The following ECI1 variants were observed in gnomAD, a reference collection of about 807,000 sequenced individuals.
The protein encoded by ECI1 is enoyl-CoA delta isomerase 1, mitochondrial.
A neutral mutation model predicts 34.2 loss-of-function variants in ECI1; 34 were observed. That is an observed-to-expected ratio of 1.00 (90% CI 0.76 to 1.33). The LOEUF (loss-of-function observed/expected upper bound fraction) is 1.33. Ranked by LOEUF, ECI1 falls within the 40% of genes most tolerant of loss-of-function variation. The pLI is 0.00. For missense variants in ECI1, 456 were observed against 422.2 expected, an observed-to-expected ratio of 1.08 and a Z score of -0.70; for synonymous variants, 211 against 193.0, an observed-to-expected ratio of 1.09 and a Z score of -0.77.
intron 3 of ECI1, among the ~76,000 whole-genome samples, chr16:2,245,280 G>A (rs962811134): frequency 1.3e-5 from 2 of 152,250 alleles, no homozygotes; most frequent in African/African-American, 4.8e-5. Context: ...AAGGCTGTGG[G>A]TGAACTTGTT....
chr16:2,243,793 G>C (rs377476625), intron 4 of ECI1, among the ~76,000 whole-genome samples: 1 of 152,216 alleles, frequency 6.6e-6, no homozygotes, highest in African/African-American at 2.4e-5. Flanking sequence ...AGTCATAACT[G>C]TCATGCCCCA....
chr16:2,246,741 C>T lies in ECI1; in HGVS notation c.294+118G>A, dbSNP rs565352095. 4.4e-5 allele frequency: 67 copies of T among 1,517,070 alleles called. No individual in the cohort carries two copies. The Admixed American group carries it at 9.1e-4, about 21-fold the overall frequency. 94.0% of individuals were successfully genotyped at this position (1,517,070 alleles called of 1,614,324 possible). A position where few individuals can be genotyped will look rare whatever the true frequency, so the allele number is the denominator to read the frequency against. Reference sequence around the variant, plus strand: ...GAGTCCAGGGTGGTGGGGCTGCCGGCTGGCCTGTGCCACACGTTGGCAGGC... The same window carrying T: ...GAGTCCAGGGTGGTGGGGCTGCCGGTTGGCCTGTGCCACACGTTGGCAGGC... On this transcript the variant is annotated intron_variant, in intron 3 of 6. Coordinates refer to ENST00000301729, the MANE Select transcript of ECI1 (RefSeq NM_001919.4).
intron 4 of ECI1, 147 bp downstream of exon 4, chr16:2,244,259 C>T (rs1289786623): frequency 2.6e-5 from 25 of 974,066 alleles, no homozygotes; most frequent in Middle Eastern, 2.9e-4. Flanking sequence ...CCGTGGTCTG[C>T]GATGGCGCTC....
rs199692587 is a variant in ECI1 at position 2,240,079 on chromosome 16, C to T, written c.809G>A (p.Arg270His). The change falls in exon 7 of 7, where the codon CGC (arginine) becomes CAC (histidine). Residue 270 changes from arginine to histidine, a missense_variant. Transcript: ENST00000301729. ...GACGAAGTTCTGCACGTCCGCATCG[C>T]GCTGCGTGACCAGGCGGCTGGCCGT... ...KATASRLVTQ[R>H]DADVQNFVSF... 221 of 1,613,998 alleles carry T rather than the reference C, an allele frequency of 1.4e-4. No individual in the cohort carries two copies. Among genetic ancestry groups the T allele is most frequent in the Admixed American group, 4.5e-4 (27 of 60,018 alleles).
chr16:2,242,818 T>A, intron 6 of ECI1: 1 of 594,732 alleles, frequency 1.7e-6, no homozygotes, highest in Non-Finnish European at 3.0e-6. Flanking sequence ...GGAAGTGCAG[T>A]CCTGCCCACA....
At chr16:2,243,471 T>A (rs777094460) in intron 4 of ECI1, 32 bp from the exon 5 acceptor site, 1 of 1,607,350 alleles carries the variant, frequency 6.2e-7, no homozygotes, top group South Asian at 1.1e-5. Flanking sequence ...GGCTCTTAGG[T>A]GCTGCTGGTC....
Position 2,251,581 on chromosome 16 carries a change from G to A in ECI1, c.-15C>T, listed in dbSNP as rs1206291617. 2.6e-6 allele frequency: 4 copies of A among 1,551,806 alleles called. No homozygotes were observed. In the African/African-American group the frequency reaches 5.5e-5, roughly 21 times the overall value. On this transcript the variant is annotated 5_prime_UTR_variant, in exon 1 of 7. Coordinates refer to ENST00000301729, the MANE Select transcript of ECI1 (RefSeq NM_001919.4). ...ACCAGCGCCATCTTGACCGCAACGCGCGGGATAAAGGTCGCGGGCTGAGCT... is the reference window on the plus strand; with the variant it reads ...ACCAGCGCCATCTTGACCGCAACGCACGGGATAAAGGTCGCGGGCTGAGCT...
chr16:2,248,520 T>A (rs923565485), intron 2 of ECI1, among the ~76,000 whole-genome samples: 21 of 151,976 alleles, frequency 1.4e-4, no homozygotes, highest in African/African-American at 4.6e-4. Context: ...GTTCAAGCCA[T>A]TCTTCTGCCT....
At chr16:2,245,748 C>T (rs1473196014) in intron 3 of ECI1, among the ~76,000 whole-genome samples, 3 of 152,088 alleles carry the variant, frequency 2.0e-5, no homozygotes, top group Admixed American at 6.6e-5. Context: ...TGCAATGGCT[C>T]GCACCTGTAA....
intron 3 of ECI1, among the ~76,000 whole-genome samples, chr16:2,246,423 A>G (rs1187620256): frequency 1.3e-5 from 2 of 152,074 alleles, no homozygotes; most frequent in Non-Finnish European, 2.9e-5. Flanking sequence ...GACCCCATAG[A>G]TGCATGGCTC....
chr16:2,244,445 C>T lies in ECI1; in HGVS notation c.402G>A (p.Arg134=), dbSNP rs760423250. 59 of 1,612,320 alleles carry T rather than the reference C, an allele frequency of 3.7e-5. No homozygotes were observed. Among genetic ancestry groups the T allele is most frequent in the Middle Eastern group, 3.3e-4 (2 of 6,060 alleles). ...CCAGCACCAGGTTGGACTGGTACAACCGCAGCCACAGCTCCTGAACGGCCT... is the reference window on the plus strand; with the variant it reads ...CCAGCACCAGGTTGGACTGGTACAATCGCAGCCACAGCTCCTGAACGGCCT... ...YWKAVQELWL[R]LYQSNLVLVS... is the part of the protein sequence containing the mutation. Residue 134 remains arginine (R), a synonymous_variant, in exon 4 of 7, where the codon CGG becomes CGA. Coordinates refer to ENST00000301729, the MANE Select transcript of ECI1 (RefSeq NM_001919.4).
At chr16:2,242,265 T>G (rs1356680574) in intron 6 of ECI1, 1 of 152,328 alleles carries the variant, frequency 6.6e-6, no homozygotes, top group Non-Finnish European at 1.5e-5. Context: ...AGTGCTGAGA[T>G]TACAGGCGTG....
chr16:2,240,051 G>A lies in ECI1; in HGVS notation c.837C>T (p.Ser279=), dbSNP rs140542033. Residue 279 remains serine, a synonymous_variant, in exon 7 of 7, where the codon AGC becomes AGT. Coordinates refer to ENST00000301729, the MANE Select transcript of ECI1 (RefSeq NM_001919.4). The part of the protein sequence containing the change: ...QRDADVQNFV[S]FISKDSIQKS... Reference sequence around the variant, plus strand: ...TCTGGATGGAGTCTTTGGAGATGAAGCTGACGAAGTTCTGCACGTCCGCAT... The same window carrying A: ...TCTGGATGGAGTCTTTGGAGATGAAACTGACGAAGTTCTGCACGTCCGCAT... 1.9e-6 allele frequency: 3 copies of A among 1,614,028 alleles called. No individual in the cohort carries two copies. Among genetic ancestry groups the A allele is most frequent in the South Asian group, 1.1e-5 (1 of 91,090 alleles).
At chr16:2,246,004 G>A (rs1596786776) in intron 3 of ECI1, among the ~76,000 whole-genome samples, 2 of 152,010 alleles carry the variant, frequency 1.3e-5, no homozygotes, top group African/African-American at 4.8e-5. Context: ...CACTTTGGGA[G>A]GCCGAGGTGG....
In ECI1 at chr16:2,243,452, G is replaced by C; in HGVS notation, c.442-13C>G. 6.2e-7 allele frequency: 1 copy of C among 1,610,994 alleles called. No homozygotes were observed. Among genetic ancestry groups the C allele is most frequent in the Non-Finnish European group, 8.5e-7 (1 of 1,179,868 alleles). On this transcript the variant is annotated splice_polypyrimidine_tract_variant and intron_variant, in intron 4 of 6. Coordinates refer to ENST00000301729, the MANE Select transcript of ECI1 (RefSeq NM_001919.4). Reference sequence around the variant, plus strand: ...CGGGGCAGGCTCCCTGCAGGGAGAGGCCGGACAGGGCTCTTAGGTGCTGCT... The same window carrying C: ...CGGGGCAGGCTCCCTGCAGGGAGAGCCCGGACAGGGCTCTTAGGTGCTGCT...
rs2093523874 is a variant in ECI1, at chr16:2,239,984, CTT to C, written c.902_903del (p.Lys301ArgfsTer39). 3 of 1,613,648 alleles carry C rather than the reference CTT, an allele frequency of 1.9e-6. No homozygotes were observed. Among genetic ancestry groups the C allele is most frequent in the Non-Finnish European group, 2.5e-6 (3 of 1,180,040 alleles). ...QMYLERLKEE[K>X]G is the part of the protein sequence containing the mutation. ...AGCCTGTGGCAGCCCAATCGTTAGC[CTT>C]TTTCTTCTTTGAGCCTCTCTAAGTA... On this transcript the variant is annotated frameshift_variant, in exon 7 of 7. Coordinates refer to ENST00000301729, the MANE Select transcript of ECI1 (RefSeq NM_001919.4). LOFTEE classifies it high-confidence loss of function.
At chr16:2,246,661 C>T (rs1259783493) in intron 3 of ECI1, among the ~76,000 whole-genome samples, 198 bp downstream of exon 3, 1 of 152,192 alleles carries the variant, frequency 6.6e-6, no homozygotes, top group Non-Finnish European at 1.5e-5. Context: ...CAGTTTGGGT[C>T]CCTGCTGGGG....
In ECI1 at chr16:2,239,802, ATG is replaced by A. The variant is rs2093523399; in HGVS notation, c.*175_*176del. On this transcript the variant is annotated 3_prime_UTR_variant, in exon 7 of 7. Coordinates refer to ENST00000301729, the MANE Select transcript of ECI1 (RefSeq NM_001919.4). The stretch of plus-strand genomic sequence containing the variant: ...CCTTGCCTGACGGGCACAGGCACCC[ATG>A]TGTGTTTGTGTGTGGCTGGGCCTTG... 3 of 685,698 alleles carry A rather than the reference ATG, an allele frequency of 4.4e-6. No homozygotes were observed. Among genetic ancestry groups the A allele is most frequent in the African/African-American group, 1.8e-5 (1 of 56,350 alleles). The allele number at this position is 685,698 out of a possible 1,614,324, so 42.5% of individuals were successfully genotyped here.
Position 2,243,446 on chromosome 16 carries a change from G to C in ECI1, c.442-7C>G. 1 of 1,611,886 alleles carries C rather than the reference G, an allele frequency of 6.2e-7. No homozygotes were observed. The highest frequency in any genetic ancestry group is 1.1e-5 in the South Asian group (1 of 91,040). Reference sequence around the variant, plus strand: ...CTCCAGCGGGGCAGGCTCCCTGCAGGGAGAGGCCGGACAGGGCTCTTAGGT... The same window carrying C: ...CTCCAGCGGGGCAGGCTCCCTGCAGCGAGAGGCCGGACAGGGCTCTTAGGT... On this transcript the variant is annotated splice_region_variant and splice_polypyrimidine_tract_variant and intron_variant, in intron 4 of 6. Transcript: ENST00000301729.
Sources: allele counts gnomAD v4.1 joint callset (sites outside exome capture counted in the v4.1 genomes callset), GRCh38; gene constraint gnomAD v4.1.1; transcripts MANE v1.5; gene names NCBI Gene and HGNC (gene_info 2026-07-23, HGNC 2026-07-21).